CARMIL1: variants seen among roughly 807,000 people sequenced by gnomAD.
CARMIL1 encodes F-actin-uncapping protein LRRC16A.
Under a neutral mutation model 177.1 loss-of-function variants are expected in CARMIL1, and 90 were observed. The observed-to-expected ratio is 0.51, with a 90% CI of 0.43 to 0.61. The LOEUF (loss-of-function observed/expected upper bound fraction) is 0.61, where lower values mean the gene tolerates loss of function less well. Ranked by LOEUF, CARMIL1 falls within the 20% of genes least tolerant of loss-of-function variation. The pLI, the probability that CARMIL1 is intolerant of heterozygous loss-of-function variation, is 0.00. For missense variants in CARMIL1, 1,380 were observed against 1,667.0 expected (o/e 0.83, Z 3.00); for synonymous variants, 577 against 606.2 (o/e 0.95, Z 0.71).
At chr6:25,408,531 T>G (rs1354525167) in intron 2 of CARMIL1, among the ~76,000 whole-genome samples, 3 of 152,154 alleles carry the variant, frequency 2.0e-5, no homozygotes, top group Admixed American at 6.5e-5. Flanking sequence ...TCTTTAATCC[T>G]TATGACAACC....
intron 26 of CARMIL1, among the ~76,000 whole-genome samples, chr6:25,546,323 T>C (rs1809461701): frequency 6.6e-6 from 1 of 152,168 alleles, no homozygotes; most frequent in South Asian, 2.1e-4. Flanking sequence ...GCAGATTTTA[T>C]GATGTCCTAC....
intron 32 of CARMIL1, among the ~76,000 whole-genome samples, chr6:25,596,108 C>G (rs1814814896): frequency 6.6e-6 from 1 of 152,146 alleles, no homozygotes. Context: ...GTGATTTTCT[C>G]TCCCGTTAAT....
At chr6:25,383,794 C>T (rs1791853095) in intron 2 of CARMIL1, 1 of 151,974 alleles carries the variant, frequency 6.6e-6, no homozygotes, top group Admixed American at 6.6e-5. Context: ...TAAATACATG[C>T]AAAAATAGAA....
intron 20 of CARMIL1, among the ~76,000 whole-genome samples, chr6:25,512,138 G>A (rs7769551): frequency 0.44 from 66,307 of 151,834 alleles, 14,870 homozygotes; most frequent in Middle Eastern, 0.52. Flanking sequence ...TTCACCCCAA[G>A]ATGTTTTTTT....
chr6:25,377,171 G>A (rs1183674515), intron 2 of CARMIL1, among the ~76,000 whole-genome samples: 2 of 152,210 alleles, frequency 1.3e-5, no homozygotes, highest in African/African-American at 2.4e-5. Context: ...TCCCATGGGG[G>A]AAGCCTCAGC....
At chr6:25,459,211 T>C (rs906705619) in intron 8 of CARMIL1, among the ~76,000 whole-genome samples, 5 of 18,806 alleles carry the variant, frequency 2.7e-4, no homozygotes, top group Non-Finnish European at 1.0e-4. Context: ...ATCCCAACTT[T>C]TTCTTTCTTT....
chr6:25,476,577 C>T (rs1459542602), intron 11 of CARMIL1, among the ~76,000 whole-genome samples: 1 of 152,158 alleles, frequency 6.6e-6, no homozygotes, highest in Non-Finnish European at 1.5e-5. Flanking sequence ...GGTAGCTTTT[C>T]TGCTCATGGA....
chr6:25,284,255 A>G (rs1181961205), intron 1 of CARMIL1, among the ~76,000 whole-genome samples: 3 of 152,254 alleles, frequency 2.0e-5, no homozygotes, highest in Admixed American at 6.5e-5. Flanking sequence ...TTTTATATGT[A>G]TCTTATTTTC....
intron 16 of CARMIL1, 136 bp downstream of exon 16, chr6:25,495,351 AAAAAT>A: frequency 1.8e-6 from 1 of 548,104 alleles, no homozygotes; most frequent in Non-Finnish European, 3.2e-6. Flanking sequence ...TCTGGGGCAG[AAAAAT>A]AAATTAAAAT....
chr6:25,545,038 A>G (rs550321022), intron 26 of CARMIL1, among the ~76,000 whole-genome samples: 34 of 152,294 alleles, frequency 2.2e-4, no homozygotes, highest in African/African-American at 7.7e-4. Flanking sequence ...ACATGTGGCT[A>G]ATGCCTCCCT....
At chr6:25,385,731 A>C (rs933403720) in intron 2 of CARMIL1, among the ~76,000 whole-genome samples, 1 of 152,218 alleles carries the variant, frequency 6.6e-6, no homozygotes, top group South Asian at 2.1e-4. Context: ...CAGCACTAAC[A>C]TAAAAAATGG....
intron 23 of CARMIL1, 40 bp from the exon 24 acceptor site, chr6:25,528,755 T>G: frequency 2.1e-6 from 3 of 1,400,908 alleles, no homozygotes; most frequent in Non-Finnish European, 2.0e-6. Flanking sequence ...TCCGCTGGGT[T>G]GAAATGTATT....
chr6:25,488,339 T>C (rs1454390670), intron 12 of CARMIL1, 143 bp from the exon 13 acceptor site: 4 of 687,044 alleles, frequency 5.8e-6, no homozygotes, highest in African/African-American at 1.8e-5. Context: ...GGAGACACAA[T>C]CATAGCGCCA....
intron 8 of CARMIL1, among the ~76,000 whole-genome samples, chr6:25,464,814 A>G (rs1409231177): frequency 6.6e-6 from 1 of 152,202 alleles, no homozygotes; most frequent in Non-Finnish European, 1.5e-5. Context: ...TTAAGGACAC[A>G]TAGTTTTTCA....
At chr6:25,399,764 T>A (rs1479674226) in intron 2 of CARMIL1, among the ~76,000 whole-genome samples, 1 of 152,192 alleles carries the variant, frequency 6.6e-6, no homozygotes, top group Non-Finnish European at 1.5e-5. Flanking sequence ...TACTGATATG[T>A]TAAGGGAATT....
At chr6:25,539,513 T>C (rs1364907223) in intron 25 of CARMIL1, among the ~76,000 whole-genome samples, 1 of 151,114 alleles carries the variant, frequency 6.6e-6, no homozygotes, top group Non-Finnish European at 1.5e-5. Context: ...TAATCCCAGC[T>C]TCTCGGGAGA....
intron 36 of CARMIL1, chr6:25,613,001 A>G: frequency 1.6e-6 from 1 of 630,174 alleles, no homozygotes; most frequent in East Asian, 1.4e-4. Flanking sequence ...GATTAGTCAT[A>G]CAAGAGAGGT....
chr6:25,526,248 C>T (rs957545750), intron 23 of CARMIL1, among the ~76,000 whole-genome samples: 17 of 151,692 alleles, frequency 1.1e-4, no homozygotes, highest in South Asian at 2.1e-4. Context: ...GAGGCTGAGG[C>T]GGGAGAATGG....
intron 26 of CARMIL1, among the ~76,000 whole-genome samples, chr6:25,542,499 C>G (rs1173945276): frequency 1.3e-5 from 2 of 152,066 alleles, no homozygotes; most frequent in African/African-American, 2.4e-5. Flanking sequence ...TCATAGCATG[C>G]TTTTCTCTCA....
Sources: gnomAD v4.1 joint callset for allele counts (sites outside exome capture counted in the v4.1 genomes callset) on GRCh38, gnomAD v4.1.1 for gene constraint, MANE v1.5 for transcripts, NCBI Gene and HGNC (gene_info 2026-07-23, HGNC 2026-07-21) for gene names.